Variants in KDM4B observed in about 807,000 individuals in gnomAD.
The protein encoded by KDM4B is lysine demethylase 4B.
KDM4B carries 32 observed loss-of-function variants against 125.2 expected under a neutral mutation model. The ratio of observed to expected loss-of-function variants is 0.26; its 90% CI spans 0.19 to 0.34. The LOEUF (loss-of-function observed/expected upper bound fraction) is 0.34. KDM4B is among the 10% of genes least tolerant of loss of function. The probability of loss-of-function intolerance (pLI) is 1.00; values close to 1 mark genes in which losing one functional copy is unlikely to be tolerated. For synonymous variants in KDM4B, 721 were observed against 677.9 expected, an observed-to-expected ratio of 1.06 and a Z score of -0.99; for missense variants, 1,190 against 1,577.7, an observed-to-expected ratio of 0.75 and a Z score of 4.16.
chr19:5,063,418 C>T (rs181842201), intron 6 of KDM4B, among the ~76,000 whole-genome samples: 1 of 152,212 alleles, frequency 6.6e-6, no homozygotes, highest in East Asian at 1.9e-4. Context: ...TCAGATATTC[C>T]CTACTGCTTG....
intron 11 of KDM4B, among the ~76,000 whole-genome samples, chr19:5,128,704 G>A (rs1024630428): frequency 4.0e-5 from 6 of 151,894 alleles, no homozygotes; most frequent in African/African-American, 7.3e-5. Context: ...GCATCTCCAC[G>A]CCTCTGCTCC....
At chr19:5,112,135 C>T (rs2039160804) in intron 10 of KDM4B, 2 of 320,988 alleles carry the variant, frequency 6.2e-6, no homozygotes, top group African/African-American at 2.1e-5. Flanking sequence ...CGCCTGTGGT[C>T]CCAACTACTG....
chr19:5,147,026 T>C (rs1452382872), intron 21 of KDM4B, among the ~76,000 whole-genome samples: 4 of 149,516 alleles, frequency 2.7e-5, no homozygotes, highest in Non-Finnish European at 5.9e-5. Flanking sequence ...GGGGTCTGTG[T>C]GACAGTGACA....
At chr19:5,065,967 C>G (rs1464814582) in intron 6 of KDM4B, among the ~76,000 whole-genome samples, 2 of 152,244 alleles carry the variant, frequency 1.3e-5, no homozygotes, top group Non-Finnish European at 2.9e-5. Flanking sequence ...GGCATCCCCA[C>G]CCTCTGGTCT....
chr19:4,975,836 G>A (rs946482543), intron 1 of KDM4B, among the ~76,000 whole-genome samples: 6 of 151,282 alleles, frequency 4.0e-5, no homozygotes, highest in African/African-American at 1.2e-4. Flanking sequence ...CAGGGCATCC[G>A]CCTGTCTTGG....
rs142811030 is a variant in KDM4B, at chr19:5,082,468, C to T, written c.882C>T (p.Thr294=). The T allele has an allele frequency of 6.2e-7, 1 of 1,612,066 alleles. No homozygotes were observed. Among genetic ancestry groups the T allele is most frequent in the Non-Finnish European group, 8.5e-7 (1 of 1,179,094 alleles). ...GCGCAGAATCTACCAACTTCGCCAC[C>T]CTGCGGTGGATTGACTACGGCAAAG... ...FNCAESTNFA[T]LRWIDYGKVA... Residue 294 remains threonine (T), a synonymous_variant, in exon 9 of 23, where the codon ACC becomes ACT. Transcript: ENST00000159111. The surrounding 1 kb of genome is among the most constrained non-coding windows in gnomAD (Gnocchi z 5.4).
At chr19:5,137,192 C>CG in intron 15 of KDM4B, 70 bp from the exon 16 acceptor site, 1 of 1,160,814 alleles carries the variant, frequency 8.6e-7, no homozygotes, top group Non-Finnish European at 1.3e-6. Context: ...GGCCCCTCCC[C>CG]CTGAGTTTCA....
At chr19:5,010,080 CT>C (rs2035681553) in intron 1 of KDM4B, among the ~76,000 whole-genome samples, 2 of 152,212 alleles carry the variant, frequency 1.3e-5, no homozygotes, top group Non-Finnish European at 2.9e-5. Context: ...ACCAATGTCC[CT>C]TTCCTGGTCT....
chr19:5,138,502 A>C, intron 18 of KDM4B: 1 of 169,618 alleles, frequency 5.9e-6, no homozygotes, highest in Non-Finnish European at 1.3e-5. Context: ...AAAAAATAAA[A>C]AACACTAGCT....
intron 1 of KDM4B, among the ~76,000 whole-genome samples, chr19:4,981,323 T>G (rs2034634342): frequency 6.6e-6 from 1 of 152,096 alleles, no homozygotes. Flanking sequence ...CTCGTCCTGT[T>G]TTTGGTGTCA....
chr19:5,135,274 C>G, intron 14 of KDM4B, 65 bp from the exon 15 acceptor site: 1 of 1,146,838 alleles, frequency 8.7e-7, no homozygotes, highest in Admixed American at 1.9e-5. Context: ...TGAGAGAGGT[C>G]CGCGCCGCCC....
At chr19:5,087,563 T>C (rs2038545595) in intron 9 of KDM4B, among the ~76,000 whole-genome samples, 1 of 152,170 alleles carries the variant, frequency 6.6e-6, no homozygotes, top group Non-Finnish European at 1.5e-5. Context: ...CATCTCTTTC[T>C]GGGGGGTGGG....
rs1029259660 is a variant in KDM4B, at chr19:5,144,818, G to A, written c.2937G>A (p.Glu979=). ...RDCVQLGPPS[E]GELVELRWTD... is the part of the protein sequence containing the mutation. ...GTGTCCAGCTGGGACCCCCTTCCGA[G>A]GGGGAGCTGGTGGAGCTCCGGTGGA... Residue 979 remains glutamate, a synonymous_variant, in exon 21 of 23, where the codon GAG becomes GAA. Transcript: ENST00000159111. The A allele has an allele frequency of 1.2e-6, 2 of 1,613,368 alleles. No homozygotes were observed. Among genetic ancestry groups the A allele is most frequent in the South Asian group, 2.2e-5 (2 of 91,062 alleles).
At chr19:4,978,935 C>T (rs1206925592) in intron 1 of KDM4B, among the ~76,000 whole-genome samples, 3 of 152,146 alleles carry the variant, frequency 2.0e-5, no homozygotes, top group African/African-American at 7.2e-5. Flanking sequence ...GCCAGATGAC[C>T]AGTGTCTCCT....
At chr19:5,045,742 G>A (rs1351543511) in intron 5 of KDM4B, among the ~76,000 whole-genome samples, 1 of 152,030 alleles carries the variant, frequency 6.6e-6, no homozygotes, top group African/African-American at 2.4e-5. Flanking sequence ...CAAAGTGCCG[G>A]GATTTACAGG....
At chr19:5,037,969 C>A (rs1190894257) in intron 3 of KDM4B, among the ~76,000 whole-genome samples, 1 of 152,288 alleles carries the variant, frequency 6.6e-6, no homozygotes, top group African/African-American at 2.4e-5. Context: ...AAAACAGTTT[C>A]TTCACTGATG....
intron 6 of KDM4B, among the ~76,000 whole-genome samples, chr19:5,060,216 G>A (rs2037541139): frequency 1.3e-5 from 2 of 152,080 alleles, no homozygotes; most frequent in African/African-American, 4.8e-5. Context: ...AAGGTGGGCG[G>A]ATCACCTGAG....
At chr19:5,150,489 C>A in intron 22 of KDM4B, 39 bp downstream of exon 22, 1 of 1,455,086 alleles carries the variant, frequency 6.9e-7, no homozygotes, top group Non-Finnish European at 9.4e-7. Flanking sequence ...CCGGGTGACT[C>A]AGGGAGCCCG....
intron 4 of KDM4B, 75 bp downstream of exon 4, chr19:5,040,086 A>T: frequency 6.8e-7 from 1 of 1,466,060 alleles, no homozygotes; most frequent in Non-Finnish European, 9.2e-7. Context: ...CTGGGGGCAG[A>T]GAAGGTGCGG....
Sources: gnomAD v4.1 joint callset for allele counts (sites outside exome capture counted in the v4.1 genomes callset) on GRCh38, gnomAD v4.1.1 for gene constraint, Gnocchi (gnomAD v3.1) non-coding constraint, MANE v1.5 for transcripts, NCBI Gene and HGNC (gene_info 2026-07-23, HGNC 2026-07-21) for gene names.